TRIM16: variants seen among roughly 807,000 people sequenced by gnomAD.
TRIM16 encodes the protein tripartite motif containing 16.
A neutral mutation model predicts 50.4 loss-of-function variants in TRIM16; 33 were observed. The ratio of observed to expected loss-of-function variants is 0.65; its 90% confidence interval spans 0.50 to 0.88. The LOEUF (loss-of-function observed/expected upper bound fraction) is 0.88. Among genes scored for constraint, TRIM16 ranks in the 40% least tolerant of loss-of-function variants. The pLI is 0.00. For synonymous variants in TRIM16, 229 were observed against 270.7 expected, an observed-to-expected ratio of 0.85 and a Z score of 1.51; for missense variants, 581 against 686.8, an observed-to-expected ratio of 0.85 and a Z score of 1.72.
rs1987727925 is a variant in TRIM16, at chr17:15,651,879, T to A, written c.-270A>T. The A allele has an allele frequency of 2.9e-6, 4 of 1,394,900 alleles. No individual in the cohort carries two copies. 86.4% of individuals were successfully genotyped at this position (1,394,900 alleles called of 1,614,324 possible). A position where few individuals can be genotyped will look rare whatever the true frequency, so the allele number is the denominator to read the frequency against. On this transcript the variant is annotated 5_prime_UTR_variant, in exon 7 of 12. It adds an upstream start codon to the 5' untranslated region. Transcript: ENST00000649191. ...GCCTCCCCAGGTCCAGCCCTGAAAC[T>A]TCTATTCTTATGTGAATCATCTGAA...
At position 15,654,726 on chromosome 17, in the gene TRIM16, T is replaced by G. The variant is rs1052349288; in HGVS notation, c.-337-2780A>C. Among the ~76,000 whole-genome samples the G allele has an allele frequency of 2.0e-5, 3 of 152,216 alleles. No homozygotes were observed. The East Asian group carries it at 5.8e-4, about 29-fold the overall frequency. Reference sequence around the variant, plus strand: ...TGCATGTCTTAATTGAATAACTGTCTTTGTTTCTCGCTTCTGTAATATGCT... The same window carrying G: ...TGCATGTCTTAATTGAATAACTGTCGTTGTTTCTCGCTTCTGTAATATGCT... On this transcript the variant is annotated intron_variant, in intron 6 of 11. Transcript: ENST00000649191.
intron 4 of TRIM16, 53 bp downstream of exon 4, chr17:15,680,812 C>A: frequency 6.6e-7 from 1 of 1,506,012 alleles, no homozygotes; most frequent in South Asian, 1.3e-5. Flanking sequence ...GAGGAAAATC[C>A]CCAACTCAAT....
chr17:15,664,928 AG>A (rs1287080266), intron 6 of TRIM16, among the ~76,000 whole-genome samples: 1 of 143,746 alleles, frequency 7.0e-6, no homozygotes, highest in East Asian at 2.3e-4. Context: ...GCTACTTGGG[AG>A]GGTGAGGTGG....
intron 6 of TRIM16, among the ~76,000 whole-genome samples, chr17:15,674,298 AG>A (rs1281297760): frequency 6.6e-6 from 1 of 151,892 alleles, no homozygotes; most frequent in Non-Finnish European, 1.5e-5. Context: ...TGAACCTGGG[AG>A]GCGGAGGTCA....
At position 15,651,104 on chromosome 17, in the gene TRIM16, C is replaced by A; in HGVS notation, c.506G>T (p.Arg169Leu). 1 of 1,609,290 alleles carries A rather than the reference C, an allele frequency of 6.2e-7. No homozygotes were observed. Among genetic ancestry groups the A allele is most frequent in the Non-Finnish European group, 8.5e-7 (1 of 1,177,254 alleles). Residue 169 changes from arginine to leucine, a missense_variant, in exon 7 of 12, where the codon CGC (arginine) becomes CTC (leucine). Arg to Leu is a moderately radical substitution (Grantham distance 102). This residue lies in a region of TRIM16 where 450 missense variants were observed against 544.3 expected (regional missense o/e 0.83). Transcript: ENST00000649191. ...CCAAGCACTCACCTCCTTGTCCCTG[C>A]GGGCTGCATCCAGGGAGACTATGGT... ...GHTIVSLDAA[R>L]RDKEAELQCT...
At position 15,665,318 on chromosome 17, in the gene TRIM16, G is replaced by A. The variant is rs183067666; in HGVS notation, c.-338+11858C>T. On this transcript the variant is annotated intron_variant, in intron 6 of 11. Coordinates refer to ENST00000649191, the MANE Select transcript of TRIM16 (RefSeq NM_001348119.1). ...ACGAGGTCAGATCGAGACCATCCTG[G>A]CTAACCCAGTGAAACCCCATCTCTA... Among the ~76,000 whole-genome samples the A allele has an allele frequency of 4.2e-3, 631 of 151,778 alleles. 4 individuals are homozygous for A. The highest frequency in any genetic ancestry group is 0.014 in the South Asian group (65 of 4,786).
chr17:15,656,701 T>C lies in TRIM16; in HGVS notation c.-337-4755A>G, dbSNP rs368709161. 2.0e-5 allele frequency among the ~76,000 whole-genome samples: 3 copies of C among 152,284 alleles called. No homozygotes were observed. The South Asian group carries it at 6.2e-4, about 32-fold the overall frequency. ...TCCCCCTCTACCCCAGCTCTGTTAT[T>C]CTCAGAACGTTCTACCTCTGAATGC... On this transcript the variant is annotated intron_variant, in intron 6 of 11. Coordinates refer to ENST00000649191, the MANE Select transcript of TRIM16 (RefSeq NM_001348119.1).
At chr17:15,667,594 T>C (rs926316728) in intron 6 of TRIM16, among the ~76,000 whole-genome samples, 1 of 152,208 alleles carries the variant, frequency 6.6e-6, no homozygotes, top group Non-Finnish European at 1.5e-5. Flanking sequence ...CTATGATACT[T>C]TCTTCTTCCT....
chr17:15,648,262 AAC>A lies in TRIM16; in HGVS notation c.519+2827_519+2828del, dbSNP rs1415106442. 4.1e-4 allele frequency among the ~76,000 whole-genome samples: 62 copies of A among 149,838 alleles called. 1 individual carries two copies. The highest frequency in any genetic ancestry group is 1.5e-3 in the African/African-American group (60 of 39,596). On this transcript the variant is annotated intron_variant, in intron 7 of 11. Coordinates refer to ENST00000649191, the MANE Select transcript of TRIM16 (RefSeq NM_001348119.1). ...AAAACAAAAAACAAACAAACAAACA[AAC>A]AAAAAAACACAAAGGGGCCTGGAGA...
intron 6 of TRIM16, among the ~76,000 whole-genome samples, chr17:15,659,545 A>AT (rs1321484742): frequency 6.6e-6 from 1 of 152,254 alleles, no homozygotes; most frequent in Non-Finnish European, 1.5e-5. Context: ...TTGAATCTCC[A>AT]TATCAACCTC....
rs1986236578 is a variant in TRIM16 at position 15,628,789 on chromosome 17, G to A, written c.1521C>T (p.Ser507=). The A allele has an allele frequency of 3.1e-6, 5 of 1,614,082 alleles. No homozygotes were observed. The Admixed American group carries it at 6.7e-5, about 22-fold the overall frequency. ...VYIDFPGGIL[S]FYGVEYDTMT... is the part of the protein sequence containing the mutation. ...TGGTATCATACTCTACGCCATAGAA[G>A]GAAAGGATCCCTCCCGGGAAGTCGA... Residue 507 remains serine (S), a synonymous_variant, in exon 12 of 12, where the codon TCC becomes TCT. Coordinates refer to ENST00000649191, the MANE Select transcript of TRIM16 (RefSeq NM_001348119.1).
At chr17:15,658,844 A>G (rs934139634) in intron 6 of TRIM16, 1 of 985,354 alleles carries the variant, frequency 1.0e-6, no homozygotes, top group Non-Finnish European at 1.2e-6. Context: ...TGGGGTCACT[A>G]TCAGCAAACT....
chr17:15,651,495 G>T lies in TRIM16; in HGVS notation c.115C>A (p.Pro39Thr), dbSNP rs1987703433. 6.2e-7 allele frequency: 1 copy of T among 1,612,558 alleles called. No homozygotes were observed. Among genetic ancestry groups the T allele is most frequent in the Non-Finnish European group, 8.5e-7 (1 of 1,179,112 alleles). The change falls in exon 7 of 12, where the codon CCA becomes ACA. Residue 39 changes from proline (P) to threonine (T), a missense_variant. By Grantham distance (38) the Pro-to-Thr change is conservative. Transcript: ENST00000649191. Reference sequence around the variant, plus strand: ...GAGCCCACGTCCTCTTCTTCCACTGGGCTGGCTGACCCAGAATCTGGGCTG... The same window carrying T: ...GAGCCCACGTCCTCTTCTTCCACTGTGCTGGCTGACCCAGAATCTGGGCTG... The part of the protein sequence containing the change: ...SPSPDSGSAS[P>T]VEEEDVGSSE...
At chr17:15,649,011 C>T (rs550717525) in intron 7 of TRIM16, among the ~76,000 whole-genome samples, 2 of 152,282 alleles carry the variant, frequency 1.3e-5, no homozygotes, top group African/African-American at 4.8e-5. Context: ...TTACCTTATA[C>T]ACTTCTCTCC....
At chr17:15,631,089 G>T (rs902141891) in intron 11 of TRIM16, among the ~76,000 whole-genome samples, 11 of 151,898 alleles carry the variant, frequency 7.2e-5, no homozygotes, top group Non-Finnish European at 1.3e-4. Flanking sequence ...TGCAATTCTG[G>T]CCAAGTCATA....
chr17:15,667,055 C>T (rs1003255554), intron 6 of TRIM16, among the ~76,000 whole-genome samples: 1 of 152,068 alleles, frequency 6.6e-6, no homozygotes, highest in South Asian at 2.1e-4. Context: ...AGAGTCTTGC[C>T]TTCCTTCATC....
At chr17:15,649,487 C>T (rs536539160) in intron 7 of TRIM16, among the ~76,000 whole-genome samples, 5 of 152,030 alleles carry the variant, frequency 3.3e-5, no homozygotes, top group South Asian at 4.1e-4. Flanking sequence ...AGAGTTTCAC[C>T]GTGTTAGCCA....
At chr17:15,644,812 T>A (rs1224898815) in intron 7 of TRIM16, among the ~76,000 whole-genome samples, 1 of 149,648 alleles carries the variant, frequency 6.7e-6, no homozygotes, top group South Asian at 2.1e-4. Flanking sequence ...TTGTTGTTGT[T>A]GTTGTTCTTT....
chr17:15,648,018 G>T (rs1016904174), intron 7 of TRIM16, among the ~76,000 whole-genome samples: 4 of 152,106 alleles, frequency 2.6e-5, no homozygotes, highest in South Asian at 2.1e-4. Context: ...CAGGTCAGGA[G>T]ATCGAGACCA....
Sources: allele counts gnomAD v4.1 joint callset (sites outside exome capture counted in the v4.1 genomes callset), GRCh38; gene constraint gnomAD v4.1.1; regional missense constraint gnomAD v4.1.1; transcripts MANE v1.5; gene names NCBI Gene and HGNC (gene_info 2026-07-23, HGNC 2026-07-21).